The following GRIN2B variants were observed in gnomAD, a reference collection of about 807,000 sequenced individuals.
The protein encoded by GRIN2B is glutamate ionotropic receptor NMDA type subunit 2B, also known as glutamate receptor ionotropic, NMDA 2B.
A neutral mutation model predicts 114.5 loss-of-function variants in GRIN2B; 5 were observed. The observed-to-expected ratio is 0.04, with a 90% CI of 0.02 to 0.09. The LOEUF (loss-of-function observed/expected upper bound fraction) is 0.09. Among genes scored for constraint, GRIN2B ranks in the 10% least tolerant of loss-of-function variants. GRIN2B has a pLI of 1.00. For missense variants in GRIN2B, 1,108 were observed against 1,943.5 expected (o/e 0.57, Z 8.08); for synonymous variants, 787 against 745.1 (o/e 1.06, Z -0.92).
intron 3 of GRIN2B, among the ~76,000 whole-genome samples, chr12:13,851,427 C>G (rs999733717): frequency 5.9e-5 from 9 of 152,126 alleles, no homozygotes; most frequent in Admixed American, 2.0e-4. Context: ...GAAATCTCAC[C>G]AAATAGAGCC....
At chr12:13,673,728 G>A (rs2136538696) in intron 5 of GRIN2B, among the ~76,000 whole-genome samples, 1 of 152,096 alleles carries the variant, frequency 6.6e-6, no homozygotes, top group East Asian at 2.0e-4. Flanking sequence ...TCAAGAAGAG[G>A]AGTCAATATG....
chr12:13,801,765 T>C (rs970554590), intron 3 of GRIN2B, among the ~76,000 whole-genome samples: 16 of 152,150 alleles, frequency 1.1e-4, no homozygotes, highest in African/African-American at 3.9e-4. Flanking sequence ...ATCTGAACTT[T>C]TGGAGACCAC....
In GRIN2B at chr12:13,770,381, T is replaced by G. The variant is rs536556517; in HGVS notation, c.412-16466A>C. ...GATTCACTTTGAATATATCAGAATA[T>G]GACAAGGTAAGACATTAAGTTTACC... On this transcript the variant is annotated intron_variant, in intron 3 of 13. Transcript: ENST00000609686. 6.6e-5 allele frequency among the ~76,000 whole-genome samples: 10 copies of G among 152,312 alleles called. No individual in the cohort carries two copies. The South Asian group carries it at 2.1e-3, about 32-fold the overall frequency.
intron 5 of GRIN2B, among the ~76,000 whole-genome samples, chr12:13,665,855 T>C (rs1949968721): frequency 6.6e-6 from 1 of 152,196 alleles, no homozygotes; most frequent in Non-Finnish European, 1.5e-5. Context: ...AAATGGAATT[T>C]TGTGTTCACT....
chr12:13,965,785 TAG>T (rs768153317), intron 2 of GRIN2B, among the ~76,000 whole-genome samples: 2 of 152,172 alleles, frequency 1.3e-5, no homozygotes, highest in Non-Finnish European at 2.9e-5. Flanking sequence ...AAAGTAAAGA[TAG>T]AGAGGTAAAA....
intron 2 of GRIN2B, among the ~76,000 whole-genome samples, chr12:13,973,216 G>C (rs1591648570): frequency 6.6e-6 from 1 of 152,270 alleles, no homozygotes; most frequent in Non-Finnish European, 1.5e-5. Flanking sequence ...AACAAGATCT[G>C]ATTTCCTAAG....
At chr12:13,690,456 T>TA (rs1283109553) in intron 4 of GRIN2B, among the ~76,000 whole-genome samples, 1 of 151,452 alleles carries the variant, frequency 6.6e-6, no homozygotes, top group African/African-American at 2.5e-5. Flanking sequence ...ATTATTAATT[T>TA]AAAAAAAGAA....
At chr12:13,736,274 C>T (rs1863183016) in intron 4 of GRIN2B, among the ~76,000 whole-genome samples, 1 of 152,064 alleles carries the variant, frequency 6.6e-6, no homozygotes, top group Non-Finnish European at 1.5e-5. Flanking sequence ...CAGTCAGGCA[C>T]TCTGGGCAGA....
intron 4 of GRIN2B, among the ~76,000 whole-genome samples, chr12:13,709,017 T>C (rs2300253): frequency 0.57 from 85,950 of 151,866 alleles, 24,651 homozygotes; most frequent in African/African-American, 0.64. Context: ...GTGAAGTATG[T>C]CTTCAAAATC....
intron 3 of GRIN2B, among the ~76,000 whole-genome samples, chr12:13,832,810 A>C (rs1269352227): frequency 1.3e-5 from 2 of 152,178 alleles, no homozygotes; most frequent in African/African-American, 4.8e-5. Context: ...CAATTTCTGT[A>C]AGTTGAATAG....
chr12:13,815,556 A>T (rs1471585737), intron 3 of GRIN2B, among the ~76,000 whole-genome samples: 3 of 152,270 alleles, frequency 2.0e-5, no homozygotes, highest in Non-Finnish European at 4.4e-5. Context: ...TGCTAGAAAA[A>T]CTTGAAGAGA....
intron 4 of GRIN2B, among the ~76,000 whole-genome samples, chr12:13,688,747 A>G (rs1950190698): frequency 6.6e-6 from 1 of 152,206 alleles, no homozygotes; most frequent in Non-Finnish European, 1.5e-5. Context: ...CTGCTTTGGC[A>G]CAGAATATCC....
In GRIN2B at chr12:13,549,231, T is replaced by C. The variant is rs905155764; in HGVS notation, c.*13552A>G. 1.3e-5 allele frequency: 2 copies of C among 152,152 alleles called. No individual in the cohort carries two copies. Among genetic ancestry groups the C allele is most frequent in the African/African-American group, 4.8e-5 (2 of 41,430 alleles). 9.4% of individuals were successfully genotyped at this position (152,152 alleles called of 1,614,324 possible). ...CTCTGATCTGCGGGTGCTTAATAAATAATTCACCATTGCAACCTTGTGACA... is the reference window on the plus strand; with the variant it reads ...CTCTGATCTGCGGGTGCTTAATAAACAATTCACCATTGCAACCTTGTGACA... On this transcript the variant is annotated 3_prime_UTR_variant, in exon 14 of 14. Transcript: ENST00000609686.
chr12:13,941,242 T>C (rs219908), intron 2 of GRIN2B, among the ~76,000 whole-genome samples: 96,506 of 152,050 alleles, frequency 0.63, 31,178 homozygotes, highest in East Asian at 0.95. Flanking sequence ...ATTTTTAGTA[T>C]TTTGATACTC....
intron 3 of GRIN2B, among the ~76,000 whole-genome samples, chr12:13,837,933 C>T (rs1003360976): frequency 9.9e-5 from 15 of 152,088 alleles, no homozygotes; most frequent in African/African-American, 3.6e-4. Context: ...GGGCACACTG[C>T]GTTTCTAACA....
intron 3 of GRIN2B, among the ~76,000 whole-genome samples, chr12:13,834,318 T>C (rs988693470): frequency 4.0e-5 from 6 of 151,572 alleles, no homozygotes; most frequent in Non-Finnish European, 5.9e-5. Flanking sequence ...ATGACAGGCA[T>C]GAGCCACCAT....
chr12:13,613,045 T>A (rs1949385433), intron 8 of GRIN2B, among the ~76,000 whole-genome samples: 1 of 152,222 alleles, frequency 6.6e-6, no homozygotes, highest in Non-Finnish European at 1.5e-5. Context: ...AATCAATTTT[T>A]AAAAGATCTT....
intron 2 of GRIN2B, among the ~76,000 whole-genome samples, chr12:13,887,115 A>G (rs1866174975): frequency 6.6e-6 from 1 of 152,224 alleles, no homozygotes; most frequent in African/African-American, 2.4e-5. Flanking sequence ...AGATGTTAAC[A>G]TAGGAAAACA....
chr12:13,744,656 T>TA lies in GRIN2B; in HGVS notation c.1010+8660dup, dbSNP rs556207353. Among the ~76,000 whole-genome samples the TA allele has an allele frequency of 7.9e-4, 120 of 152,186 alleles. 1 individual carries two copies. Among genetic ancestry groups the TA allele is most frequent in the African/African-American group, 2.8e-3 (115 of 41,520 alleles). ...AAGGCCTGGGCATTGAGGGAAGCTG[T>TA]AGGCAGCCCCCGGCCGGCTGCTGCT... On this transcript the variant is annotated intron_variant, in intron 4 of 13. Transcript: ENST00000609686.
Sources: gnomAD v4.1 joint callset for allele counts (sites outside exome capture counted in the v4.1 genomes callset) on GRCh38, gnomAD v4.1.1 for gene constraint, MANE v1.5 for transcripts, NCBI Gene and HGNC (gene_info 2026-07-23, HGNC 2026-07-21) for gene names.